The following CDH7 variants were observed in gnomAD, a reference collection of about 807,000 sequenced individuals.
The protein encoded by CDH7 is cadherin-7.
A neutral mutation model predicts 71.8 loss-of-function variants in CDH7; 25 were observed. The ratio of observed to expected loss-of-function variants is 0.35; its 90% CI spans 0.25 to 0.49. The LOEUF is 0.49. CDH7 is among the 20% of genes least tolerant of loss of function. The pLI is 0.99. For synonymous variants in CDH7, 381 were observed against 363.8 expected (o/e 1.05, Z -0.54); for missense variants, 862 against 974.6 (o/e 0.88, Z 1.54).
Position 65,857,957 on chromosome 18 carries a change from G to A in CDH7, c.1372+5G>A. On this transcript the variant is annotated splice_donor_5th_base_variant and intron_variant, in intron 8 of 11. Coordinates refer to ENST00000397968, the MANE Select transcript of CDH7 (RefSeq NM_004361.5). ...CAGTCCTTGCAATGGAGAGCCGTAA[G>A]TTGTGAGGCTTAAAACTAAATTAAG... The A allele has an allele frequency of 6.2e-7, 1 of 1,612,654 alleles. No individual in the cohort carries two copies. The highest frequency in any genetic ancestry group is 8.5e-7 in the Non-Finnish European group (1 of 1,179,150).
At chr18:65,879,408 T>TATTTGTAG (rs779283707) in intron 11 of CDH7, among the ~76,000 whole-genome samples, 34 of 152,276 alleles carry the variant, frequency 2.2e-4, no homozygotes, top group Non-Finnish European at 4.4e-4. Context: ...TGTTAAAAGG[T>TATTTGTAG]ATTTGTAGAT....
intron 7 of CDH7, among the ~76,000 whole-genome samples, chr18:65,849,554 A>G (rs1913072651): frequency 6.6e-6 from 1 of 151,494 alleles, no homozygotes; most frequent in South Asian, 2.1e-4. Context: ...CTGGCATTAC[A>G]GGCATCCGCC....
chr18:65,792,185 CT>C (rs71167149), intron 2 of CDH7, among the ~76,000 whole-genome samples: 4,194 of 103,974 alleles, frequency 0.04, 69 homozygotes, highest in Non-Finnish European at 0.056. Context: ...TGCAGCCAGT[CT>C]TTTTTTTTTT....
At chr18:65,798,104 G>C (rs1910981359) in intron 2 of CDH7, among the ~76,000 whole-genome samples, 1 of 152,140 alleles carries the variant, frequency 6.6e-6, no homozygotes, top group Non-Finnish European at 1.5e-5. Flanking sequence ...GCTTCCCTGA[G>C]CTAAGGCAAT....
intron 2 of CDH7, among the ~76,000 whole-genome samples, chr18:65,793,011 A>G (rs979409121): frequency 1.3e-5 from 2 of 152,044 alleles, no homozygotes; most frequent in Non-Finnish European, 2.9e-5. Flanking sequence ...CTACTGGTTT[A>G]TCTCACTCTT....
intron 1 of CDH7, among the ~76,000 whole-genome samples, chr18:65,755,818 G>GT (rs1019047068): frequency 2.0e-5 from 3 of 152,178 alleles, no homozygotes; most frequent in African/African-American, 4.8e-5. Flanking sequence ...ACAGGTGACA[G>GT]TGGCAGCTGT....
Position 65,884,975 on chromosome 18 carries a change from T to C in CDH7, c.*4081T>C, listed in dbSNP as rs796743342. ...TGCCTGGAGGCAAGTGAAATATATATGACAAATAATAGATAAACCAATTTA... is the reference window on the plus strand; with the variant it reads ...TGCCTGGAGGCAAGTGAAATATATACGACAAATAATAGATAAACCAATTTA... On this transcript the variant is annotated 3_prime_UTR_variant, in exon 12 of 12. Coordinates refer to ENST00000397968, the MANE Select transcript of CDH7 (RefSeq NM_004361.5). The C allele has an allele frequency of 2.6e-4, 39 of 152,322 alleles. No individual in the cohort carries two copies. Among genetic ancestry groups the C allele is most frequent in the African/African-American group, 8.7e-4 (36 of 41,578 alleles). 9.4% of individuals were successfully genotyped at this position (152,322 alleles called of 1,614,324 possible).
intron 2 of CDH7, among the ~76,000 whole-genome samples, chr18:65,801,811 T>A (rs1911134466): frequency 6.6e-6 from 1 of 152,222 alleles, no homozygotes; most frequent in East Asian, 1.9e-4. Flanking sequence ...TGACATTTTC[T>A]CCCCTTAACC....
At chr18:65,783,503 A>G (rs1369043416) in intron 2 of CDH7, among the ~76,000 whole-genome samples, 1 of 152,246 alleles carries the variant, frequency 6.6e-6, no homozygotes, top group Non-Finnish European at 1.5e-5. Flanking sequence ...GTTAATCTAC[A>G]AATGACCATT....
intron 11 of CDH7, 114 bp from the exon 12 acceptor site, chr18:65,880,287 T>C: frequency 8.9e-7 from 1 of 1,125,342 alleles, no homozygotes. Flanking sequence ...GGCCAATTCA[T>C]TTCTCTTTAA....
intron 2 of CDH7, among the ~76,000 whole-genome samples, chr18:65,763,337 C>T (rs1369874152): frequency 6.6e-6 from 1 of 152,100 alleles, no homozygotes; most frequent in African/African-American, 2.4e-5. Context: ...GGTTGTAACA[C>T]ATTGATAAAC....
intron 2 of CDH7, among the ~76,000 whole-genome samples, chr18:65,793,822 T>G (rs183326480): frequency 1.5e-4 from 23 of 152,266 alleles, no homozygotes; most frequent in Admixed American, 1.5e-3. Context: ...CACATAATAT[T>G]CATGACTTCA....
intron 4 of CDH7, 85 bp from the exon 5 acceptor site, chr18:65,821,995 AG>A: frequency 9.8e-7 from 1 of 1,025,044 alleles, no homozygotes; most frequent in East Asian, 2.4e-5. Flanking sequence ...ACAACTCAAG[AG>A]GGACTTACTA....
intron 6 of CDH7, among the ~76,000 whole-genome samples, chr18:65,840,780 G>A (rs1482036132): frequency 6.6e-6 from 1 of 152,152 alleles, no homozygotes; most frequent in Non-Finnish European, 1.5e-5. Context: ...TCTTGGGTAT[G>A]TCTTTATCAG....
intron 11 of CDH7, among the ~76,000 whole-genome samples, chr18:65,871,067 ATAAAT>A (rs2144054772): frequency 6.6e-6 from 1 of 152,344 alleles, no homozygotes; most frequent in African/African-American, 2.4e-5. Context: ...TAGATATCAG[ATAAAT>A]TAACTACATT....
chr18:65,790,874 A>C (rs1187254212), intron 2 of CDH7, among the ~76,000 whole-genome samples: 2 of 152,236 alleles, frequency 1.3e-5, no homozygotes, highest in Admixed American at 6.5e-5. Flanking sequence ...GTCTCAAAAC[A>C]AAACAAAATA....
intron 5 of CDH7, 82 bp downstream of exon 5, chr18:65,822,330 C>T: frequency 9.2e-7 from 1 of 1,083,932 alleles, no homozygotes; most frequent in Non-Finnish European, 1.3e-6. Context: ...GACTTTTTTT[C>T]AAATACTTCT....
In CDH7 at chr18:65,826,926, G is replaced by A. The variant is rs574050236; in HGVS notation, c.981+2095G>A. On this transcript the variant is annotated intron_variant, in intron 6 of 11. Transcript: ENST00000397968. ...TGTATTGTTGAAGGTATTAAAAAAC[G>A]TAATATTCTATTTAATAAATTATGA... 4.7e-5 allele frequency among the ~76,000 whole-genome samples: 7 copies of A among 150,520 alleles called. No homozygotes were observed. The South Asian group carries it at 8.4e-4, about 18-fold the overall frequency.
intron 11 of CDH7, chr18:65,865,534 T>G (rs1285779754): frequency 1.3e-5 from 2 of 152,158 alleles, no homozygotes; most frequent in African/African-American, 2.4e-5. Context: ...TCTGTTGTAC[T>G]GAAATACAAT....
Sources: allele counts gnomAD v4.1 joint callset (sites outside exome capture counted in the v4.1 genomes callset), GRCh38; gene constraint gnomAD v4.1.1; transcripts MANE v1.5; gene names NCBI Gene and HGNC (gene_info 2026-07-23, HGNC 2026-07-21).